The following PCDHGA1 variants were observed in gnomAD, a reference collection of about 807,000 sequenced individuals.
PCDHGA1 encodes protocadherin gamma subfamily A, 1.
In PCDHGA1, 32 loss-of-function variants were observed where a neutral mutation model predicts 58.0. The ratio of observed to expected loss-of-function variants is 0.55; its 90% CI spans 0.42 to 0.74. PCDHGA1 has a LOEUF of 0.74. Ranked by LOEUF, PCDHGA1 falls within the 30% of genes least tolerant of loss-of-function variation. PCDHGA1 has a pLI of 0.00. For missense variants in PCDHGA1, 1,205 were observed against 1,182.3 expected (o/e 1.02, Z -0.28); for synonymous variants, 498 against 501.1 (o/e 0.99, Z 0.08).
rs752412467 is a variant in PCDHGA1 at position 141,405,390 on chromosome 5, TTTTC to T, written c.2421+72297_2421+72300del. On this transcript the variant is annotated intron_variant, in intron 1 of 3. Transcript: ENST00000517417. ...CCTTTGGTTCCGGTGAGTTCATTTTTTTTCTTTCTTTCTTTTCTTTTTTTGTTTT... is the reference window on the plus strand; with the variant it reads ...CCTTTGGTTCCGGTGAGTTCATTTTTTTTCTTTCTTTTCTTTTTTTGTTTT... 1.6e-5 allele frequency: 26 copies of T among 1,600,118 alleles called. No homozygotes were observed. The East Asian group carries it at 1.8e-4, about 11-fold the overall frequency.
At chr5:141,403,704 T>C (rs1207597755) in intron 1 of PCDHGA1, 2 of 1,613,846 alleles carry the variant, frequency 1.2e-6, no homozygotes, top group East Asian at 4.5e-5. Context: ...CGAGTTAAAG[T>C]CCTTGAGAAC....
At position 141,331,969 on chromosome 5, in the gene PCDHGA1, A is replaced by T; in HGVS notation, c.1285A>T (p.Thr429Ser). Residue 429 changes from threonine to serine, a missense_variant, in exon 1 of 4, where the codon ACT becomes TCT. Physicochemically the swap from Thr to Ser is moderately conservative, Grantham distance 58. Coordinates refer to ENST00000517417, the MANE Select transcript of PCDHGA1 (RefSeq NM_018912.3). Reference sequence around the variant, plus strand: ...CACAATAACAGCAATAGACCAAGGAACTCCAGCTCTATCTACTGAAACTCA... The same window carrying T: ...CACAATAACAGCAATAGACCAAGGATCTCCAGCTCTATCTACTGAAACTCA... ...NITITAIDQG[T>S]PALSTETHIS... The T allele has an allele frequency of 1.2e-6, 2 of 1,614,102 alleles. No individual in the cohort carries two copies. The highest frequency in any genetic ancestry group is 1.1e-5 in the South Asian group (1 of 91,080).
At chr5:141,506,188 C>A (rs925159785) in intron 3 of PCDHGA1, among the ~76,000 whole-genome samples, 1 of 152,058 alleles carries the variant, frequency 6.6e-6, no homozygotes, top group Non-Finnish European at 1.5e-5. Flanking sequence ...TGGTGGCTCA[C>A]GCCTGTAATC....
intron 1 of PCDHGA1, chr5:141,398,187 C>G (rs1329117309): frequency 5.8e-5 from 86 of 1,481,250 alleles, no homozygotes; most frequent in Non-Finnish European, 7.6e-5. Context: ...TCTTTCTCTT[C>G]CTGCTGTCTT....
intron 1 of PCDHGA1, chr5:141,407,933 TG>T: frequency 2.0e-6 from 1 of 505,054 alleles, no homozygotes; most frequent in Non-Finnish European, 3.4e-6. Flanking sequence ...ACGGAGCCTC[TG>T]GGCGCCGCTG....
At chr5:141,484,437 T>C (rs2099596528) in intron 1 of PCDHGA1, among the ~76,000 whole-genome samples, 1 of 152,232 alleles carries the variant, frequency 6.6e-6, no homozygotes, top group African/African-American at 2.4e-5. Context: ...ATGTACTGCA[T>C]AAATTTAATT....
chr5:141,349,639 G>T (rs1047653620), intron 1 of PCDHGA1, among the ~76,000 whole-genome samples: 2 of 151,988 alleles, frequency 1.3e-5, no homozygotes, highest in African/African-American at 4.8e-5. Flanking sequence ...TATATGGAGA[G>T]ATTTAAAATA....
At position 141,477,217 on chromosome 5, in the gene PCDHGA1, G is replaced by T. The variant is rs745497348; in HGVS notation, c.2422-17590G>T. On this transcript the variant is annotated intron_variant, in intron 1 of 3. Transcript: ENST00000517417. This position sits in a 1 kb window ranked among gnomAD's most constrained non-coding sequence, Gnocchi z 4.9. ...GCCCAGTACCCGAGGATGCCCCTCTGGGGACTGTCATCGCTTTGCTCAGTG... is the reference window on the plus strand; with the variant it reads ...GCCCAGTACCCGAGGATGCCCCTCTTGGGACTGTCATCGCTTTGCTCAGTG... The T allele has an allele frequency of 8.1e-6, 13 of 1,614,178 alleles. No homozygotes were observed. The African/African-American group carries it at 1.7e-4, about 22-fold the overall frequency.
chr5:141,419,317 T>C, intron 1 of PCDHGA1: 1 of 1,613,952 alleles, frequency 6.2e-7, no homozygotes, highest in Non-Finnish European at 8.5e-7. Flanking sequence ...TCAACGGCCG[T>C]GTCTCCTACT....
rs2099699514 is a variant in PCDHGA1 at position 141,490,385 on chromosome 5, A to G, written c.2422-4422A>G. 1 of 1,614,190 alleles carries G rather than the reference A, an allele frequency of 6.2e-7. No individual in the cohort carries two copies. Among genetic ancestry groups the G allele is most frequent in the African/African-American group, 1.3e-5 (1 of 75,032 alleles). ...GTGCGAGACCGGGACTCAGGTAGAA[A>G]TGGTGAAGTGAGCCTTGATATCTCT... On this transcript the variant is annotated intron_variant, in intron 1 of 3. Coordinates refer to ENST00000517417, the MANE Select transcript of PCDHGA1 (RefSeq NM_018912.3). This position sits in a 1 kb window ranked among gnomAD's most constrained non-coding sequence, Gnocchi z 5.4.
In PCDHGA1 at chr5:141,390,005, G is replaced by A. The variant is rs886109174; in HGVS notation, c.2421+56900G>A. 2.5e-6 allele frequency: 4 copies of A among 1,613,860 alleles called. No individual in the cohort carries two copies. In the African/African-American group the frequency reaches 5.3e-5, roughly 22 times the overall value. ...TGCTCTTCCTCGTGGCCATGATTCT[G>A]GCCATTGCCTTGCGCCTGCGACGCT... On this transcript the variant is annotated intron_variant, in intron 1 of 3. Coordinates refer to ENST00000517417, the MANE Select transcript of PCDHGA1 (RefSeq NM_018912.3).
At position 141,486,761 on chromosome 5, in the gene PCDHGA1, A is replaced by G. The variant is rs1368106682; in HGVS notation, c.2422-8046A>G. 1 of 1,614,114 alleles carries G rather than the reference A, an allele frequency of 6.2e-7. No homozygotes were observed. The highest frequency in any genetic ancestry group is 8.5e-7 in the Non-Finnish European group (1 of 1,180,056). ...ATCCTTTGACTATGAGCAAACCCAG[A>G]CACTGCAGTTTGAGGTGCAGGCCCG... On this transcript the variant is annotated intron_variant, in intron 1 of 3. Transcript: ENST00000517417. The surrounding 1 kb of genome is among the most constrained non-coding windows in gnomAD (Gnocchi z 5.0).
chr5:141,404,984 C>A (rs779919758), intron 1 of PCDHGA1: 1 of 1,614,034 alleles, frequency 6.2e-7, no homozygotes, highest in Middle Eastern at 1.6e-4. Flanking sequence ...CCTGGGCAGT[C>A]TTCAGATCCC....
chr5:141,383,584 C>T, intron 1 of PCDHGA1: 2 of 1,613,678 alleles, frequency 1.2e-6, no homozygotes, highest in Non-Finnish European at 1.7e-6. Flanking sequence ...CGCCCACATC[C>T]AGGTGACAGT....
intron 1 of PCDHGA1, chr5:141,383,733 A>G (rs770047743): frequency 6.8e-6 from 11 of 1,613,886 alleles, no homozygotes; most frequent in South Asian, 6.6e-5. Flanking sequence ...GGGAAGTGAC[A>G]TATTCTTTTC....
At chr5:141,365,109 G>T in intron 1 of PCDHGA1, 1 of 1,613,846 alleles carries the variant, frequency 6.2e-7, no homozygotes, top group African/African-American at 1.3e-5. Flanking sequence ...GTGGGCACTC[G>T]GCTGCTCATG....
chr5:141,476,798 C>T lies in PCDHGA1; in HGVS notation c.2422-18009C>T. 3.1e-6 allele frequency: 5 copies of T among 1,613,660 alleles called. No homozygotes were observed. The highest frequency in any genetic ancestry group is 4.2e-6 in the Non-Finnish European group (5 of 1,180,028). ...AGGGACCCCAGCTCTCTCCGCCAGC[C>T]TGCCTATTCACATCAAGGTGCTGGA... On this transcript the variant is annotated intron_variant, in intron 1 of 3. Coordinates refer to ENST00000517417, the MANE Select transcript of PCDHGA1 (RefSeq NM_018912.3). This position sits in a 1 kb window ranked among gnomAD's most constrained non-coding sequence, Gnocchi z 7.6.
At chr5:141,418,863 TAG>T (rs1165304037) in intron 1 of PCDHGA1, 1 of 1,613,990 alleles carries the variant, frequency 6.2e-7, no homozygotes, top group Non-Finnish European at 8.5e-7. Context: ...AAAGTAATTG[TAG>T]AAGTTGTAGA....
chr5:141,362,373 T>A (rs1281253972), intron 1 of PCDHGA1: 2 of 1,614,038 alleles, frequency 1.2e-6, no homozygotes, highest in Non-Finnish European at 1.7e-6. Flanking sequence ...ACAGTGAGGG[T>A]ACATTGCCCT....
Sources: allele counts gnomAD v4.1 joint callset (sites outside exome capture counted in the v4.1 genomes callset), GRCh38; gene constraint gnomAD v4.1.1; non-coding constraint Gnocchi (gnomAD v3.1); transcripts MANE v1.5; gene names NCBI Gene and HGNC (gene_info 2026-07-23, HGNC 2026-07-21).